RELN: variants seen among roughly 807,000 people sequenced by gnomAD.
RELN encodes the protein reelin.
A neutral mutation model predicts 427.6 loss-of-function variants in RELN; 108 were observed. The ratio of observed to expected loss-of-function variants is 0.25; its 90% confidence interval spans 0.22 to 0.30. The LOEUF is 0.30. Ranked by LOEUF, RELN falls within the 10% of genes least tolerant of loss-of-function variation. RELN has a pLI of 1.00. For synonymous variants in RELN, 1,524 were observed against 1,513.4 expected, an observed-to-expected ratio of 1.01 and a Z score of -0.16; for missense variants, 3,715 against 4,302.8, an observed-to-expected ratio of 0.86 and a Z score of 3.82.
At chr7:103,897,163 G>A (rs973403231) in intron 2 of RELN, among the ~76,000 whole-genome samples, 3 of 152,000 alleles carry the variant, frequency 2.0e-5, no homozygotes, top group Non-Finnish European at 2.9e-5. Flanking sequence ...CAACACGTGG[G>A]GATTATTACA....
chr7:103,756,389 TCCACTGCTTA>T (rs1401895484), intron 4 of RELN, among the ~76,000 whole-genome samples: 1 of 152,200 alleles, frequency 6.6e-6, no homozygotes, highest in African/African-American at 2.4e-5. Flanking sequence ...AACTACACAA[TCCACTGCTTA>T]TTTTTATAGC....
At chr7:103,716,294 T>G (rs1262717064) in intron 8 of RELN, among the ~76,000 whole-genome samples, 2 of 152,226 alleles carry the variant, frequency 1.3e-5, no homozygotes, top group Admixed American at 1.3e-4. Context: ...CAATGTTTAC[T>G]GCCATACTTG....
intron 5 of RELN, among the ~76,000 whole-genome samples, chr7:103,752,823 A>G (rs1026494270): frequency 2.6e-5 from 4 of 152,090 alleles, no homozygotes; most frequent in African/African-American, 9.7e-5. Context: ...TTCCACATTC[A>G]TGGCTTCTTG....
At chr7:103,960,387 A>G (rs1188650210) in intron 1 of RELN, among the ~76,000 whole-genome samples, 2 of 152,102 alleles carry the variant, frequency 1.3e-5, no homozygotes, top group African/African-American at 2.4e-5. Flanking sequence ...CTTTATTCAC[A>G]TATCACCTTT....
chr7:103,664,368 G>A (rs143288923), intron 11 of RELN, among the ~76,000 whole-genome samples: 150 of 152,250 alleles, frequency 9.9e-4, no homozygotes, highest in African/African-American at 3.4e-3. Context: ...ATGCCCCAAG[G>A]CACCCATTAT....
chr7:103,746,274 G>C lies in RELN; in HGVS notation c.656+3152C>G, dbSNP rs544397972. On this transcript the variant is annotated intron_variant, in intron 6 of 64. Coordinates refer to ENST00000428762, the MANE Select transcript of RELN (RefSeq NM_005045.4). The stretch of plus-strand genomic sequence containing the variant: ...CTTATGCAAAAATTAATTCAAGATG[G>C]ATTAAAGACTTAAATGTTAGACCTA... Among the ~76,000 whole-genome samples the C allele has an allele frequency of 2.1e-4, 32 of 152,274 alleles. 1 individual carries two copies. Among genetic ancestry groups the C allele is most frequent in the African/African-American group, 7.7e-4 (32 of 41,542 alleles).
At chr7:103,973,017 T>C (rs753907376) in intron 1 of RELN, among the ~76,000 whole-genome samples, 1 of 152,126 alleles carries the variant, frequency 6.6e-6, no homozygotes, top group African/African-American at 2.4e-5. Flanking sequence ...TGTGATCCAG[T>C]TGTTTCACAA....
chr7:103,774,606 C>T (rs1293098636), intron 4 of RELN, among the ~76,000 whole-genome samples: 1 of 151,942 alleles, frequency 6.6e-6, no homozygotes, highest in Non-Finnish European at 1.5e-5. Context: ...TATTCCTTAC[C>T]CAATACATAA....
intron 1 of RELN, among the ~76,000 whole-genome samples, chr7:103,974,358 C>G (rs1796827883): frequency 6.6e-6 from 1 of 152,198 alleles, no homozygotes; most frequent in African/African-American, 2.4e-5. Context: ...TGGAAATGAA[C>G]TCAGCCAGTC....
chr7:103,613,370 TACTC>T (rs1832006854), intron 20 of RELN, among the ~76,000 whole-genome samples: 1 of 152,262 alleles, frequency 6.6e-6, no homozygotes, highest in African/African-American at 2.4e-5. Flanking sequence ...TATGCAATGA[TACTC>T]TGATGTTAAA....
intron 3 of RELN, among the ~76,000 whole-genome samples, chr7:103,795,934 T>C (rs1792288276): frequency 6.6e-6 from 1 of 152,178 alleles, no homozygotes; most frequent in Admixed American, 6.5e-5. Flanking sequence ...AAATCACATT[T>C]TCATTTTTCT....
chr7:103,909,707 T>A (rs1795303025), intron 2 of RELN, among the ~76,000 whole-genome samples: 1 of 50,568 alleles, frequency 2.0e-5, no homozygotes, highest in African/African-American at 1.0e-4. Flanking sequence ...ATTTAATATA[T>A]ATAAATATAT....
intron 31 of RELN, among the ~76,000 whole-genome samples, chr7:103,570,892 G>A (rs141831644): frequency 1.3e-5 from 2 of 152,230 alleles, no homozygotes; most frequent in African/African-American, 4.8e-5. Context: ...CATGATGAGG[G>A]ACATATGTCT....
chr7:103,659,049 C>T (rs1833082643), intron 12 of RELN, among the ~76,000 whole-genome samples: 1 of 151,764 alleles, frequency 6.6e-6, no homozygotes, highest in East Asian at 1.9e-4. Flanking sequence ...GTTCTAGTGG[C>T]TCCAGTTATC....
intron 1 of RELN, among the ~76,000 whole-genome samples, chr7:103,957,901 T>C (rs1796468343): frequency 6.6e-6 from 1 of 152,156 alleles, no homozygotes; most frequent in Admixed American, 6.5e-5. Context: ...GTCTGAAGGA[T>C]AATAACATAT....
At chr7:103,983,259 A>G (rs917959319) in intron 1 of RELN, among the ~76,000 whole-genome samples, 8 of 152,232 alleles carry the variant, frequency 5.3e-5, no homozygotes, top group Non-Finnish European at 8.8e-5. Flanking sequence ...AGAATAAAAA[A>G]GAAAAAAATA....
chr7:103,789,353 G>C (rs1386051756), intron 3 of RELN, among the ~76,000 whole-genome samples: 5 of 152,070 alleles, frequency 3.3e-5, no homozygotes, highest in African/African-American at 1.2e-4. Context: ...ATCTAATTAA[G>C]CTAAAGAGCT....
At chr7:103,843,519 T>C (rs1008665872) in intron 2 of RELN, among the ~76,000 whole-genome samples, 8 of 152,126 alleles carry the variant, frequency 5.3e-5, no homozygotes, top group Admixed American at 3.3e-4. Flanking sequence ...CCTGATCCAA[T>C]AGAAACCCTG....
At chr7:103,549,260 G>A (rs558005244) in intron 41 of RELN, among the ~76,000 whole-genome samples, 8 of 152,318 alleles carry the variant, frequency 5.3e-5, no homozygotes, top group African/African-American at 1.9e-4. Flanking sequence ...CAGCACCTCA[G>A]TGTCTGGTGA....
Sources: allele counts gnomAD v4.1 joint callset (sites outside exome capture counted in the v4.1 genomes callset), GRCh38; gene constraint gnomAD v4.1.1; transcripts MANE v1.5; gene names NCBI Gene and HGNC (gene_info 2026-07-23, HGNC 2026-07-21).